The following ADAMTS17 variants were observed in gnomAD, a reference collection of about 807,000 sequenced individuals.
ADAMTS17 encodes ADAM metallopeptidase with thrombospondin type 1 motif 17.
Under a neutral mutation model 141.5 loss-of-function variants are expected in ADAMTS17, and 113 were observed. The ratio of observed to expected loss-of-function variants is 0.80; its 90% CI spans 0.69 to 0.93. The LOEUF (loss-of-function observed/expected upper bound fraction) is 0.93, where lower values mean the gene tolerates loss of function less well. Ranked by LOEUF, ADAMTS17 falls within the 40% of genes least tolerant of loss-of-function variation. ADAMTS17 has a pLI of 0.00. For synonymous variants in ADAMTS17, 768 were observed against 630.6 expected, an observed-to-expected ratio of 1.22 and a Z score of -3.27; for missense variants, 1,659 against 1,517.9, an observed-to-expected ratio of 1.09 and a Z score of -1.54.
chr15:100,049,221 A>T (rs926341211), intron 17 of ADAMTS17, among the ~76,000 whole-genome samples: 1 of 152,220 alleles, frequency 6.6e-6, no homozygotes, highest in Non-Finnish European at 1.5e-5. Flanking sequence ...CTAGAACAAG[A>T]TAAGAAAGCA....
chr15:100,141,921 A>G (rs2127844), intron 10 of ADAMTS17, among the ~76,000 whole-genome samples: 146,343 of 152,326 alleles, frequency 0.96, 70,554 homozygotes, highest in East Asian at 1. Context: ...GCACTACCGT[A>G]CAGCCCTGAG....
intron 8 of ADAMTS17, among the ~76,000 whole-genome samples, chr15:100,181,449 T>C (rs775925331): frequency 6.6e-6 from 1 of 151,994 alleles, no homozygotes; most frequent in African/African-American, 2.4e-5. Flanking sequence ...CATCTCAGAG[T>C]CTAAGCCAAG....
rs936492598 is a variant in ADAMTS17 at position 100,133,286 on chromosome 15, C to T, written c.1503G>A (p.Leu501=). 2 of 1,594,340 alleles carry T rather than the reference C, an allele frequency of 1.3e-6. No homozygotes were observed. Among genetic ancestry groups the T allele is most frequent in the East Asian group, 2.2e-5 (1 of 44,598 alleles). Residue 501 remains leucine (L), a synonymous_variant, in exon 11 of 22, where the codon CTG becomes CTA. Coordinates refer to ENST00000268070, the MANE Select transcript of ADAMTS17 (RefSeq NM_139057.4). ...EHLMCAGLWC[L]VEGDTSCKTK... The stretch of plus-strand genomic sequence containing the variant: ...TCTTGCAGGATGTGTCTCCTTCTAC[C>T]AGGCACCACAGTCCAGCACACATTA...
intron 13 of ADAMTS17, among the ~76,000 whole-genome samples, chr15:100,109,484 A>AGG (rs141585888): frequency 2.0e-5 from 3 of 148,760 alleles, no homozygotes; most frequent in Non-Finnish European, 3.0e-5. Context: ...GAGGGTGTGA[A>AGG]GGGAGGGGGA....
chr15:100,103,092 A>C (rs1338365328), intron 14 of ADAMTS17, among the ~76,000 whole-genome samples: 4 of 152,152 alleles, frequency 2.6e-5, no homozygotes, highest in African/African-American at 9.7e-5. Context: ...GTGCTGGTTT[A>C]GTGGAGTCCC....
chr15:100,080,760 GT>G (rs1412904683), intron 15 of ADAMTS17, among the ~76,000 whole-genome samples: 10 of 152,130 alleles, frequency 6.6e-5, no homozygotes. Flanking sequence ...CCTTTATCAT[GT>G]GACATAACAT....
intron 7 of ADAMTS17, among the ~76,000 whole-genome samples, chr15:100,201,672 A>C (rs1340800035): frequency 6.6e-6 from 1 of 152,206 alleles, no homozygotes; most frequent in Non-Finnish European, 1.5e-5. Context: ...CTTAGTTAAA[A>C]ATAAATAAAG....
intron 3 of ADAMTS17, among the ~76,000 whole-genome samples, chr15:100,296,390 C>T (rs2044813047): frequency 6.6e-6 from 1 of 152,144 alleles, no homozygotes; most frequent in South Asian, 2.1e-4. Context: ...AATCCAACAT[C>T]CTTGAAGCAT....
At chr15:100,332,126 T>C (rs1425578756) in intron 2 of ADAMTS17, among the ~76,000 whole-genome samples, 7 of 152,236 alleles carry the variant, frequency 4.6e-5, no homozygotes, top group Admixed American at 4.6e-4. Flanking sequence ...AAGGTTTCCA[T>C]TTCATTAGAA....
chr15:100,148,706 G>GA (rs2039023042), intron 10 of ADAMTS17, among the ~76,000 whole-genome samples: 1 of 151,822 alleles, frequency 6.6e-6, no homozygotes, highest in African/African-American at 2.4e-5. Context: ...TATTTTTCTA[G>GA]ATTTCTTCAT....
chr15:100,153,909 G>A (rs140858275), intron 9 of ADAMTS17, among the ~76,000 whole-genome samples: 32 of 152,222 alleles, frequency 2.1e-4, no homozygotes, highest in African/African-American at 5.5e-4. Context: ...GGCCGGGCGC[G>A]GTAGCTCACA....
intron 15 of ADAMTS17, among the ~76,000 whole-genome samples, chr15:100,055,387 C>T (rs2032480765): frequency 6.6e-6 from 1 of 152,208 alleles, no homozygotes; most frequent in Admixed American, 6.5e-5. Flanking sequence ...AACAGAGGGT[C>T]GCTGGGTAGT....
intron 8 of ADAMTS17, among the ~76,000 whole-genome samples, chr15:100,171,116 A>C (rs1278391761): frequency 6.6e-6 from 1 of 152,066 alleles, no homozygotes; most frequent in African/African-American, 2.4e-5. Flanking sequence ...TTCAAAGGCC[A>C]GTTGGAGGAG....
chr15:100,076,298 C>A (rs2034372914), intron 15 of ADAMTS17, among the ~76,000 whole-genome samples: 1 of 152,178 alleles, frequency 6.6e-6, no homozygotes, highest in Non-Finnish European at 1.5e-5. Flanking sequence ...CTGCCCCGGC[C>A]TCCCAAAGTG....
chr15:99,974,341 CTTGCGGGTGGGTGGG>C lies in ADAMTS17; in HGVS notation c.*46_*60del. ...GGGGCGTGGCCACAAGGCTGGTAGG[CTTGCGGGTGGGTGGG>C]TTTCAGACCTGAGTCTGAGCTTTGA... On this transcript the variant is annotated 3_prime_UTR_variant, in exon 22 of 22. Transcript: ENST00000268070. The C allele has an allele frequency of 6.2e-7, 1 of 1,610,196 alleles. No homozygotes were observed. The highest frequency in any genetic ancestry group is 1.7e-5 in the Admixed American group (1 of 60,026).
rs919146120 is a variant in ADAMTS17, at chr15:99,999,474, G to T, written c.2592-1885C>A. On this transcript the variant is annotated intron_variant, in intron 18 of 21. Coordinates refer to ENST00000268070, the MANE Select transcript of ADAMTS17 (RefSeq NM_139057.4). The stretch of plus-strand genomic sequence containing the variant: ...GACTACGTGGGAAAAGGCTTCCAAG[G>T]CAGAGGTCACAGGGGTGCAAAGGCC... Among the ~76,000 whole-genome samples, 8 of 152,208 alleles carry T rather than the reference G, an allele frequency of 5.3e-5. 1 individual carries two copies. The highest frequency in any genetic ancestry group is 4.6e-4 in the Admixed American group (7 of 15,286).
At position 99,977,385 on chromosome 15, in the gene ADAMTS17, TA is replaced by T. The variant is rs1567632410; in HGVS notation, c.2950-1164del. On this transcript the variant is annotated intron_variant, in intron 20 of 21. Transcript: ENST00000268070. ...ATATATATATATATATATATATATA[TA>T]TATATATATATATAATTTTTTTTTT... Among the ~76,000 whole-genome samples the T allele has an allele frequency of 5.0e-3, 89 of 17,642 alleles. 18 individuals carry two copies. Among genetic ancestry groups the T allele is most frequent in the South Asian group, 0.01 (5 of 478 alleles). 11.6% of individuals were successfully genotyped at this position (17,642 alleles called of 152,430 possible). A position where few individuals can be genotyped will look rare whatever the true frequency, so the allele number is the denominator to read the frequency against.
At chr15:100,139,128 TG>T (rs566120499) in intron 10 of ADAMTS17, among the ~76,000 whole-genome samples, 145 of 152,068 alleles carry the variant, frequency 9.5e-4, no homozygotes, top group African/African-American at 3.3e-3. Flanking sequence ...GTTGGCTCTT[TG>T]GGGGGAAACT....
intron 20 of ADAMTS17, among the ~76,000 whole-genome samples, chr15:99,992,206 C>T (rs1048645645): frequency 1.3e-5 from 2 of 152,046 alleles, no homozygotes; most frequent in African/African-American, 2.4e-5. Context: ...CCACTAATTC[C>T]AACATGTTTA....
Sources: gnomAD v4.1 joint callset for allele counts (sites outside exome capture counted in the v4.1 genomes callset) on GRCh38, gnomAD v4.1.1 for gene constraint, MANE v1.5 for transcripts, NCBI Gene and HGNC (gene_info 2026-07-23, HGNC 2026-07-21) for gene names.